QKI: variants seen among roughly 807,000 people sequenced by gnomAD.
QKI encodes KH domain-containing RNA-binding protein QKI.
Under a neutral mutation model 39.0 loss-of-function variants are expected in QKI, and 10 were observed. That is an observed-to-expected ratio of 0.26 (90% CI 0.16 to 0.43). The LOEUF is 0.43. Among genes scored for constraint, QKI ranks in the 20% least tolerant of loss-of-function variants. The pLI is 1.00. For synonymous variants in QKI, 204 were observed against 155.4 expected (o/e 1.31, Z -2.33); for missense variants, 218 against 428.0 (o/e 0.51, Z 4.33).
chr6:163,489,556 T>C (rs1027332172), intron 3 of QKI, among the ~76,000 whole-genome samples: 9 of 151,908 alleles, frequency 5.9e-5, no homozygotes, highest in African/African-American at 1.7e-4. Flanking sequence ...TGAAGCAGTT[T>C]ATAAATAATG....
At chr6:163,473,965 G>T (rs1792389713) in intron 2 of QKI, among the ~76,000 whole-genome samples, 2 of 152,040 alleles carry the variant, frequency 1.3e-5, no homozygotes, top group African/African-American at 4.8e-5. Flanking sequence ...ATTTGCTCAA[G>T]TTGATTTTGC....
At chr6:163,487,074 T>C (rs1253344384) in intron 3 of QKI, among the ~76,000 whole-genome samples, 1 of 152,220 alleles carries the variant, frequency 6.6e-6, no homozygotes, top group Non-Finnish European at 1.5e-5. Flanking sequence ...CCAGAGTGGC[T>C]TTGGCAATTG....
chr6:163,438,212 A>T (rs1293521868), intron 1 of QKI, among the ~76,000 whole-genome samples: 1 of 152,196 alleles, frequency 6.6e-6, no homozygotes, highest in Non-Finnish European at 1.5e-5. Flanking sequence ...CAGATTTCAG[A>T]TAATATTTCA....
chr6:163,543,916 C>G (rs1314481703), intron 4 of QKI, among the ~76,000 whole-genome samples: 2 of 152,014 alleles, frequency 1.3e-5, no homozygotes, highest in Non-Finnish European at 2.9e-5. Context: ...TATACTGATT[C>G]TTTGTTTTGC....
rs1308281845 is a variant in QKI, at chr6:163,414,837, G to C, written c.-357G>C. 1 of 143,990 alleles carries C rather than the reference G, an allele frequency of 6.9e-6. No individual in the cohort carries two copies. Among genetic ancestry groups the C allele is most frequent in the East Asian group, 2.1e-4 (1 of 4,740 alleles). 8.9% of individuals were successfully genotyped at this position (143,990 alleles called of 1,614,324 possible). ...AGCGGGCTCGACCAGCCGAGCGAGC[G>C]GCGGCCCCGGCTCCTCCTCGTCCGG... On this transcript the variant is annotated 5_prime_UTR_variant, in exon 1 of 8. Coordinates refer to ENST00000361752, the MANE Select transcript of QKI (RefSeq NM_006775.3).
chr6:163,493,855 A>AGTCAAAAATATG (rs1404426724), intron 3 of QKI, among the ~76,000 whole-genome samples: 7 of 151,838 alleles, frequency 4.6e-5, no homozygotes, highest in African/African-American at 1.4e-4. Flanking sequence ...ACAAAAATAT[A>AGTCAAAAATATG]GACAAAAATA....
chr6:163,501,751 C>T (rs562893750), intron 3 of QKI, among the ~76,000 whole-genome samples: 13 of 152,304 alleles, frequency 8.5e-5, no homozygotes, highest in South Asian at 2.1e-4. Context: ...CTGTTAATTA[C>T]GTACTTTATG....
chr6:163,535,195 A>G (rs1346165801), intron 4 of QKI, 70 bp downstream of exon 4: 1 of 1,439,286 alleles, frequency 6.9e-7, no homozygotes, highest in East Asian at 2.3e-5. Flanking sequence ...AAATTATCGT[A>G]ATGTTTATAA....
At chr6:163,535,517 A>G (rs1423401004) in intron 4 of QKI, among the ~76,000 whole-genome samples, 1 of 104,592 alleles carries the variant, frequency 9.6e-6, no homozygotes, top group Non-Finnish European at 1.8e-5. Context: ...TACTACTCCC[A>G]GAGTATAATT....
intron 2 of QKI, among the ~76,000 whole-genome samples, chr6:163,476,379 T>C (rs1792608046): frequency 6.6e-6 from 1 of 151,884 alleles, no homozygotes; most frequent in Non-Finnish European, 1.5e-5. Context: ...GTCTCTCTCA[T>C]GATAGAGCCC....
intron 3 of QKI, among the ~76,000 whole-genome samples, chr6:163,515,586 A>G (rs987009414): frequency 2.6e-5 from 4 of 152,206 alleles, no homozygotes; most frequent in Non-Finnish European, 5.9e-5. Flanking sequence ...CACATACTAC[A>G]TCTTGATACT....
intron 3 of QKI, among the ~76,000 whole-genome samples, chr6:163,479,689 C>A (rs1174164250): frequency 1.3e-5 from 2 of 152,196 alleles, no homozygotes; most frequent in Non-Finnish European, 2.9e-5. Flanking sequence ...TGTTAATTAT[C>A]ATTTTTTACT....
intron 3 of QKI, among the ~76,000 whole-genome samples, chr6:163,516,713 T>C (rs1045024540): frequency 6.6e-6 from 1 of 152,226 alleles, no homozygotes; most frequent in Non-Finnish European, 1.5e-5. Flanking sequence ...TTTCCATATT[T>C]ATTGGATTAA....
intron 3 of QKI, among the ~76,000 whole-genome samples, chr6:163,483,531 A>C (rs952069106): frequency 6.6e-6 from 1 of 152,138 alleles, no homozygotes; most frequent in East Asian, 1.9e-4. Flanking sequence ...CTGTATCTTC[A>C]CTACAAATAC....
intron 3 of QKI, among the ~76,000 whole-genome samples, chr6:163,527,977 A>C (rs781562859): frequency 1.9e-4 from 29 of 152,158 alleles, no homozygotes; most frequent in Non-Finnish European, 3.8e-4. Flanking sequence ...GTATCATTGT[A>C]ATTTGATAGG....
chr6:163,531,862 A>G (rs542600486), intron 3 of QKI, among the ~76,000 whole-genome samples: 1 of 152,324 alleles, frequency 6.6e-6, no homozygotes, highest in Admixed American at 6.5e-5. Context: ...TGGGAGTGTA[A>G]GTACACCATT....
At chr6:163,470,379 C>T (rs537272884) in intron 2 of QKI, among the ~76,000 whole-genome samples, 3 of 152,176 alleles carry the variant, frequency 2.0e-5, no homozygotes, top group Non-Finnish European at 4.4e-5. Flanking sequence ...TTGTCTATCT[C>T]AGTAAGTGAA....
chr6:163,434,439 G>A (rs922815279), intron 1 of QKI, among the ~76,000 whole-genome samples: 1 of 152,150 alleles, frequency 6.6e-6, no homozygotes, highest in Non-Finnish European at 1.5e-5. Context: ...TACTGGCCAA[G>A]TTTGTTAAAA....
At chr6:163,554,318 CTT>C (rs2128247457) in intron 4 of QKI, among the ~76,000 whole-genome samples, 1 of 152,294 alleles carries the variant, frequency 6.6e-6, no homozygotes, top group South Asian at 2.1e-4. Context: ...GGGTCGGCTG[CTT>C]TACACCCACA....
Sources: gnomAD v4.1 joint callset for allele counts (sites outside exome capture counted in the v4.1 genomes callset) on GRCh38, gnomAD v4.1.1 for gene constraint, MANE v1.5 for transcripts, NCBI Gene and HGNC (gene_info 2026-07-23, HGNC 2026-07-21) for gene names.